SORBS2: variants seen among roughly 807,000 people sequenced by gnomAD.
The protein encoded by SORBS2 is sorbin and SH3 domain containing 2, also known as sorbin and SH3 domain-containing protein 2.
In SORBS2, 46 loss-of-function variants were observed where a neutral mutation model predicts 97.7. The observed-to-expected ratio is 0.47, with a 90% CI of 0.37 to 0.60. The LOEUF (loss-of-function observed/expected upper bound fraction) is 0.60. SORBS2 is among the 20% of genes least tolerant of loss of function. The pLI is 0.00. For missense variants in SORBS2, 1,316 were observed against 1,282.3 expected (o/e 1.03, Z -0.40); for synonymous variants, 476 against 473.4 (o/e 1.01, Z -0.07).
At chr4:185,675,666 T>C (rs2097780270) in intron 4 of SORBS2, among the ~76,000 whole-genome samples, 1 of 152,190 alleles carries the variant, frequency 6.6e-6, no homozygotes, top group African/African-American at 2.4e-5. Context: ...TTAATAAACA[T>C]AAACAAGCTG....
At chr4:185,798,834 C>A (rs149212986) in intron 1 of SORBS2, among the ~76,000 whole-genome samples, 79 of 152,256 alleles carry the variant, frequency 5.2e-4, no homozygotes, top group African/African-American at 1.8e-3. Context: ...CATGTCTAAA[C>A]GTTTTTGCCC....
intron 1 of SORBS2, among the ~76,000 whole-genome samples, chr4:185,908,306 T>TATATATATGTATACACACAA (rs2099252610): frequency 9.1e-6 from 1 of 110,298 alleles, no homozygotes; most frequent in African/African-American, 3.8e-5. Context: ...TATATATATA[T>TATATATATGTATACACACAA]ATATATATAT....
intron 11 of SORBS2, among the ~76,000 whole-genome samples, chr4:185,613,646 CAAAAAAAAAAA>C: frequency 1.2e-5 from 1 of 85,814 alleles, no homozygotes; most frequent in South Asian, 5.7e-4. Context: ...CACTCCATCT[CAAAAAAAAAAA>C]AAAAAAAAAA....
intron 12 of SORBS2, among the ~76,000 whole-genome samples, chr4:185,608,822 CA>C: frequency 6.6e-6 from 1 of 152,150 alleles, no homozygotes; most frequent in South Asian, 2.1e-4. Context: ...AAAACATCTC[CA>C]AAAAGATTCT....
At chr4:185,806,568 C>T (rs2099156861) in intron 1 of SORBS2, among the ~76,000 whole-genome samples, 1 of 149,628 alleles carries the variant, frequency 6.7e-6, no homozygotes, top group African/African-American at 2.5e-5. Flanking sequence ...CGCCATTCTC[C>T]TGCCTCAGCC....
intron 2 of SORBS2, among the ~76,000 whole-genome samples, chr4:185,769,753 G>C (rs538311183): frequency 7.9e-5 from 12 of 152,328 alleles, no homozygotes; most frequent in African/African-American, 2.6e-4. Context: ...GCCTCCGAAA[G>C]TGCTGGGATT....
chr4:185,831,512 G>C (rs1012784477), intron 1 of SORBS2, among the ~76,000 whole-genome samples: 1 of 152,170 alleles, frequency 6.6e-6, no homozygotes, highest in Non-Finnish European at 1.5e-5. Context: ...GAAGATGTTA[G>C]AATAGGAAAG....
At chr4:185,759,808 T>C (rs2098858297) in intron 2 of SORBS2, among the ~76,000 whole-genome samples, 1 of 152,232 alleles carries the variant, frequency 6.6e-6, no homozygotes, top group Non-Finnish European at 1.5e-5. Context: ...ATAATTCTGT[T>C]AGTTGCTCTC....
intron 1 of SORBS2, among the ~76,000 whole-genome samples, chr4:185,821,281 C>T (rs1474561528): frequency 6.6e-6 from 1 of 152,138 alleles, no homozygotes; most frequent in Non-Finnish European, 1.5e-5. Context: ...GGTGGAGTGG[C>T]ACAGAAGCCT....
At chr4:185,611,645 C>T in intron 12 of SORBS2, 135 bp downstream of exon 24, 2 of 642,226 alleles carry the variant, frequency 3.1e-6, no homozygotes, top group Non-Finnish European at 5.3e-6. Context: ...GGCACTCACA[C>T]ATGTAGAAAC....
Position 185,916,325 on chromosome 4 carries a change from T to A in SORBS2, c.-338+39871A>T, listed in dbSNP as rs187188278. ...AAAAACTATTGTATGGATATGGCTG[T>A]CCCACCAGGCAGCAACCAGAAGTTA... is the stretch of plus-strand genomic sequence containing the variant. On this transcript the variant is annotated intron_variant, in intron 1 of 20. Transcript: ENST00000284776. 4.0e-3 allele frequency among the ~76,000 whole-genome samples: 604 copies of A among 152,310 alleles called. 1 individual carries two copies. The highest frequency in any genetic ancestry group is 6.6e-3 in the Non-Finnish European group (448 of 68,010).
At position 185,607,382 on chromosome 4, in the gene SORBS2, A is replaced by G; in HGVS notation, c.2796+4398T>C. ...ATGAGCACGGATTATGAAGTTAAGAAAAAATAAACTAAGAAAATAATAATA... is the reference window on the plus strand; with the variant it reads ...ATGAGCACGGATTATGAAGTTAAGAGAAAATAAACTAAGAAAATAATAATA... On this transcript the variant is annotated intron_variant, in intron 12 of 14. Coordinates refer to ENST00000418609, the Ensembl canonical transcript of SORBS2. The surrounding 1 kb of genome is among the most constrained non-coding windows in gnomAD (Gnocchi z 5.2). 8.8e-7 allele frequency: 1 copy of G among 1,138,100 alleles called. No homozygotes were observed. The highest frequency in any genetic ancestry group is 1.2e-6 in the Non-Finnish European group (1 of 851,994). The allele number at this position is 1,138,100 out of a possible 1,614,324, so 70.5% of individuals were successfully genotyped here.
chr4:185,614,875 A>G (rs1270244604), exon 11 of SORBS2: 1 of 1,614,178 alleles, frequency 6.2e-7, no homozygotes, highest in East Asian at 2.2e-5. Flanking sequence ...TTGAAGTTGT[A>G]TTTGGCTATA....
chr4:185,683,985 C>G (rs2097912203), intron 2 of SORBS2, among the ~76,000 whole-genome samples: 1 of 151,708 alleles, frequency 6.6e-6, no homozygotes, highest in Non-Finnish European at 1.5e-5. Flanking sequence ...AACAAGCAGT[C>G]CCCAAACTGC....
intron 1 of SORBS2, among the ~76,000 whole-genome samples, chr4:185,654,777 T>G (rs779193665): frequency 6.7e-6 from 1 of 149,644 alleles, no homozygotes; most frequent in Non-Finnish European, 1.5e-5. Context: ...TCATTTTGCA[T>G]GAAAAATAGC....
At chr4:185,667,292 T>A (rs1333304036) in intron 4 of SORBS2, among the ~76,000 whole-genome samples, 2 of 152,240 alleles carry the variant, frequency 1.3e-5, no homozygotes, top group Non-Finnish European at 2.9e-5. Flanking sequence ...GCCTAGTAAA[T>A]GTTTAAGTTA....
At chr4:185,727,292 T>C (rs2098561624) in intron 2 of SORBS2, among the ~76,000 whole-genome samples, 1 of 152,218 alleles carries the variant, frequency 6.6e-6, no homozygotes, top group African/African-American at 2.4e-5. Flanking sequence ...ACCCTATTGC[T>C]TATGCCGTCA....
At position 185,623,656 on chromosome 4, in the gene SORBS2, C is replaced by G. The variant is rs754857651; in HGVS notation, c.1473G>C (p.Glu491Asp). The change falls in exon 7 of 15, where the codon GAG becomes GAC. Residue 491 changes from glutamate (E) to aspartate (D), a missense_variant. Physicochemically the swap from Glu to Asp is conservative, Grantham distance 45. Transcript: ENST00000418609. This position sits in a 1 kb window ranked among gnomAD's most constrained non-coding sequence, Gnocchi z 6.4. ...AAAACTCCACGTGTGCTCGGGGCTG[C>G]TCATCGCTGGTGACTTCAATGTGAA... The G allele has an allele frequency of 6.2e-7, 1 of 1,614,118 alleles. No homozygotes were observed. Among genetic ancestry groups the G allele is most frequent in the Non-Finnish European group, 8.5e-7 (1 of 1,180,028 alleles).
chr4:185,765,867 C>T (rs554054901), intron 2 of SORBS2, among the ~76,000 whole-genome samples: 1 of 152,248 alleles, frequency 6.6e-6, no homozygotes, highest in South Asian at 2.1e-4. Flanking sequence ...AGTTTTCCAT[C>T]ATAAGCCAGT....
Sources: allele counts gnomAD v4.1 joint callset (sites outside exome capture counted in the v4.1 genomes callset), GRCh38; gene constraint gnomAD v4.1.1; non-coding constraint Gnocchi (gnomAD v3.1); transcripts MANE v1.5; gene names NCBI Gene and HGNC (gene_info 2026-07-23, HGNC 2026-07-21).